ARSB: variants seen among roughly 807,000 people sequenced by gnomAD.
ARSB encodes N-acetylgalactosamine-4-sulfatase.
A neutral mutation model predicts 50.9 loss-of-function variants in ARSB; 41 were observed. The ratio of observed to expected loss-of-function variants is 0.81; its 90% CI spans 0.63 to 1.04. The LOEUF is 1.04. ARSB is among the 50% of genes least tolerant of loss of function. The probability of loss-of-function intolerance (pLI) is 0.00; values close to 1 mark genes in which losing one functional copy is unlikely to be tolerated. For synonymous variants in ARSB, 269 were observed against 284.8 expected, an observed-to-expected ratio of 0.94 and a Z score of 0.56; for missense variants, 672 against 693.3, an observed-to-expected ratio of 0.97 and a Z score of 0.35.
chr5:78,941,623 G>A (rs1750928137), intron 4 of ARSB, among the ~76,000 whole-genome samples: 1 of 152,156 alleles, frequency 6.6e-6, no homozygotes, highest in South Asian at 2.1e-4. Context: ...TGCATCCCAG[G>A]GATGAAGCCC....
chr5:78,981,619 T>C (rs1229314674), intron 1 of ARSB, among the ~76,000 whole-genome samples: 6 of 152,248 alleles, frequency 3.9e-5, no homozygotes. Flanking sequence ...AGACAAAGTC[T>C]AGAGTTCAGC....
At chr5:78,847,255 G>C (rs1374148016) in intron 5 of ARSB, among the ~76,000 whole-genome samples, 1 of 151,966 alleles carries the variant, frequency 6.6e-6, no homozygotes, top group Non-Finnish European at 1.5e-5. Flanking sequence ...AGCCTCCCTA[G>C]TACCTGGGCT....
intron 5 of ARSB, among the ~76,000 whole-genome samples, chr5:78,840,489 T>C (rs1412442730): frequency 6.6e-6 from 1 of 152,170 alleles, no homozygotes; most frequent in African/African-American, 2.4e-5. Context: ...ACTTTGTATT[T>C]GCCAAGTAAG....
chr5:78,894,036 C>T (rs1263583657), intron 4 of ARSB, among the ~76,000 whole-genome samples: 1 of 152,174 alleles, frequency 6.6e-6, no homozygotes, highest in Admixed American at 6.5e-5. Context: ...ACCCACTGAA[C>T]GTGGCCAGAT....
intron 4 of ARSB, among the ~76,000 whole-genome samples, chr5:78,896,005 C>CG (rs1369092710): frequency 6.6e-6 from 1 of 151,966 alleles, no homozygotes; most frequent in African/African-American, 2.4e-5. Flanking sequence ...CTGGAGGAGC[C>CG]GGGGGGCAGA....
At chr5:78,815,967 G>T in intron 6 of ARSB, 1 of 1,548,132 alleles carries the variant, frequency 6.5e-7, no homozygotes, top group Non-Finnish European at 8.7e-7. Context: ...CCTAGTTCCC[G>T]CCTCTTCTGC....
chr5:78,954,824 C>CA (rs1168052051), intron 4 of ARSB, among the ~76,000 whole-genome samples: 2 of 152,078 alleles, frequency 1.3e-5, no homozygotes, highest in African/African-American at 2.4e-5. Context: ...ATTTTAATAC[C>CA]AAAAAAATCT....
Position 78,885,605 on chromosome 5 carries a change from A to C in ARSB, c.1121T>G (p.Phe374Cys). The change falls in exon 5 of 8, where the codon TTC becomes TGC. Residue 374 changes from phenylalanine to cysteine, a missense_variant. Transcript: ENST00000264914. ...HTNGTKPLDG[F>C]DVWKTISEGS... ...GTACCTGATGGTTTTCCACACGTCG[A>C]AGCCATCCAGAGGCTTTGTGCCATT... The C allele has an allele frequency of 6.2e-7, 1 of 1,614,086 alleles. No homozygotes were observed. The highest frequency in any genetic ancestry group is 8.5e-7 in the Non-Finnish European group (1 of 1,180,028).
Position 78,839,357 on chromosome 5 carries a change from C to A in ARSB, c.1212G>T (p.Pro404=), listed in dbSNP as rs143071401. 6 of 1,613,194 alleles carry A rather than the reference C, an allele frequency of 3.7e-6. No homozygotes were observed. Among genetic ancestry groups the A allele is most frequent in the Middle Eastern group, 3.3e-4 (2 of 6,076 alleles). Residue 404 remains proline, a splice_region_variant and synonymous_variant, in exon 6 of 8, where the codon CCG becomes CCT. Coordinates refer to ENST00000264914, the MANE Select transcript of ARSB (RefSeq NM_000046.5). ...NIDPNFVDSS[P]CPRNSMAPAK... ...TAGTAGCAATGCACTGGTACTCACA[C>A]GGTGAAGAGTCCACGAAGTTCGGGT...
chr5:78,982,524 G>C (rs1012787253), intron 1 of ARSB, among the ~76,000 whole-genome samples: 3 of 152,086 alleles, frequency 2.0e-5, no homozygotes, highest in South Asian at 4.1e-4. Flanking sequence ...GTGGTTATAG[G>C]CATCAACCCT....
At chr5:78,956,628 T>G (rs1384004671) in intron 3 of ARSB, among the ~76,000 whole-genome samples, 1 of 152,106 alleles carries the variant, frequency 6.6e-6, no homozygotes, top group African/African-American at 2.4e-5. Flanking sequence ...TCCAAACAAA[T>G]AATAATATCA....
At chr5:78,791,764 C>T (rs1231858180) in intron 6 of ARSB, among the ~76,000 whole-genome samples, 1 of 152,194 alleles carries the variant, frequency 6.6e-6, no homozygotes, top group East Asian at 1.9e-4. Flanking sequence ...ATAGTTTCTT[C>T]CTAAAATTAA....
chr5:78,970,045 T>C (rs561526999), intron 1 of ARSB, among the ~76,000 whole-genome samples: 58 of 152,296 alleles, frequency 3.8e-4, no homozygotes, highest in African/African-American at 1.3e-3. Flanking sequence ...TGCTTGGGAG[T>C]GGCTCACACA....
intron 5 of ARSB, among the ~76,000 whole-genome samples, chr5:78,864,838 G>A (rs1302349243): frequency 6.6e-6 from 1 of 152,210 alleles, no homozygotes; most frequent in Admixed American, 6.5e-5. Context: ...GCCCATGCAA[G>A]TCCAAAATCC....
At chr5:78,844,445 C>T (rs983177129) in intron 5 of ARSB, among the ~76,000 whole-genome samples, 6 of 152,066 alleles carry the variant, frequency 3.9e-5, no homozygotes, top group Admixed American at 3.3e-4. Flanking sequence ...TTGCAAGTCC[C>T]TTATCTGATA....
intron 4 of ARSB, among the ~76,000 whole-genome samples, chr5:78,901,550 GT>G (rs1748805244): frequency 6.6e-6 from 1 of 151,446 alleles, no homozygotes; most frequent in Non-Finnish European, 1.5e-5. Context: ...TAGGGAAATA[GT>G]TTTTTCAAAA....
At chr5:78,941,240 T>G (rs1580097192) in intron 4 of ARSB, among the ~76,000 whole-genome samples, 1 of 151,296 alleles carries the variant, frequency 6.6e-6, no homozygotes, top group South Asian at 2.1e-4. Context: ...ACAGGGACAA[T>G]TTGACTTCCT....
intron 4 of ARSB, among the ~76,000 whole-genome samples, chr5:78,948,202 G>T (rs1459692233): frequency 6.6e-6 from 1 of 152,108 alleles, no homozygotes; most frequent in Admixed American, 6.5e-5. Context: ...TACTTAGATA[G>T]AATGAATAAG....
chr5:78,939,575 T>A (rs1359730911), intron 4 of ARSB, among the ~76,000 whole-genome samples: 1 of 152,196 alleles, frequency 6.6e-6, no homozygotes, highest in Non-Finnish European at 1.5e-5. Context: ...AAATGATGGT[T>A]TCCAGCTTCA....
Sources: gnomAD v4.1 joint callset for allele counts (sites outside exome capture counted in the v4.1 genomes callset) on GRCh38, gnomAD v4.1.1 for gene constraint, MANE v1.5 for transcripts, NCBI Gene and HGNC (gene_info 2026-07-23, HGNC 2026-07-21) for gene names.